RPGRIP1L: variants seen among roughly 807,000 people sequenced by gnomAD.
The protein encoded by RPGRIP1L is protein fantom.
In RPGRIP1L, 131 loss-of-function variants were observed where a neutral mutation model predicts 160.4. The ratio of observed to expected loss-of-function variants is 0.82; its 90% confidence interval spans 0.71 to 0.94. The LOEUF (loss-of-function observed/expected upper bound fraction) is 0.94. Ranked by LOEUF, RPGRIP1L falls within the 40% of genes least tolerant of loss-of-function variation. RPGRIP1L has a pLI of 0.00. For missense variants in RPGRIP1L, 1,522 were observed against 1,535.8 expected (o/e 0.99, Z 0.15); for synonymous variants, 510 against 515.8 (o/e 0.99, Z 0.15).
chr16:53,612,837 C>T (rs893372384), intron 24 of RPGRIP1L, among the ~76,000 whole-genome samples: 1 of 152,114 alleles, frequency 6.6e-6, no homozygotes, highest in Non-Finnish European at 1.5e-5. Flanking sequence ...ACAATGATCA[C>T]CACTATCCAT....
chr16:53,666,060 A>G (rs1383087941), intron 9 of RPGRIP1L, among the ~76,000 whole-genome samples: 1 of 152,200 alleles, frequency 6.6e-6, no homozygotes, highest in Non-Finnish European at 1.5e-5. Context: ...ACAAAAACTT[A>G]TAAAATCTTG....
chr16:53,617,073 C>CAA lies in RPGRIP1L; in HGVS notation c.3616+1950_3616+1951dup, dbSNP rs397945611. ...GGCAATAGCACCAGACCTTGCATCA[C>CAA]AAAAAAAAAAAAAAAAAAAAAAAAA... On this transcript the variant is annotated intron_variant, in intron 24 of 26. Transcript: ENST00000647211. 1.1e-3 allele frequency among the ~76,000 whole-genome samples: 25 copies of CAA among 21,844 alleles called. 2 individuals are homozygous for CAA. The highest frequency in any genetic ancestry group is 3.3e-3 in the African/African-American group (9 of 2,752). The allele number at this position is 21,844 out of a possible 152,430, so 14.3% of individuals were successfully genotyped here. A position where few individuals can be genotyped will look rare whatever the true frequency, so the allele number is the denominator to read the frequency against.
chr16:53,660,204 T>C (rs948123808), intron 10 of RPGRIP1L, among the ~76,000 whole-genome samples: 1 of 152,196 alleles, frequency 6.6e-6, no homozygotes, highest in Non-Finnish European at 1.5e-5. Flanking sequence ...CACTCAGGTA[T>C]CCTCCTTTGT....
At chr16:53,691,868 C>T (rs1242418314) in intron 4 of RPGRIP1L, among the ~76,000 whole-genome samples, 198 bp downstream of exon 4, 5 of 152,162 alleles carry the variant, frequency 3.3e-5, no homozygotes, top group African/African-American at 1.2e-4. Context: ...AATGTTTTTA[C>T]TAAACAAATT....
intron 4 of RPGRIP1L, among the ~76,000 whole-genome samples, chr16:53,690,598 T>A (rs1182973631): frequency 6.6e-6 from 1 of 152,234 alleles, no homozygotes; most frequent in Non-Finnish European, 1.5e-5. Context: ...TCGAGGACTT[T>A]AGGTGTACAC....
At chr16:53,610,048 T>C (rs1963926767) in intron 25 of RPGRIP1L, among the ~76,000 whole-genome samples, 1 of 151,596 alleles carries the variant, frequency 6.6e-6, no homozygotes, top group Non-Finnish European at 1.5e-5. Flanking sequence ...GTGTCATCAG[T>C]AGGTCATAAG....
chr16:53,645,466 T>G (rs184464276), intron 17 of RPGRIP1L, among the ~76,000 whole-genome samples, 159 bp downstream of exon 17: 263 of 152,150 alleles, frequency 1.7e-3, no homozygotes, highest in Non-Finnish European at 3.1e-3. Flanking sequence ...ATAGAGCGAC[T>G]AGTAAGAAAA....
At chr16:53,621,429 A>ATT (rs1964698064) in intron 23 of RPGRIP1L, among the ~76,000 whole-genome samples, 2 of 145,262 alleles carry the variant, frequency 1.4e-5, no homozygotes, top group Non-Finnish European at 3.0e-5. Flanking sequence ...ATTTCTGGTC[A>ATT]ATTTTTTTTT....
At chr16:53,648,606 A>G (rs1966719921) in intron 16 of RPGRIP1L, among the ~76,000 whole-genome samples, 2 of 125,112 alleles carry the variant, frequency 1.6e-5, no homozygotes, top group East Asian at 2.4e-4. Flanking sequence ...ACATATACGT[A>G]CGCGCGTGCG....
At chr16:53,630,685 T>C (rs1078620) in intron 22 of RPGRIP1L, among the ~76,000 whole-genome samples, 7,831 of 152,292 alleles carry the variant, frequency 0.051, 409 homozygotes, top group East Asian at 0.31. Flanking sequence ...AAGCAATTTC[T>C]ACTAGGAGAG....
At chr16:53,695,795 G>C (rs1478369146) in intron 3 of RPGRIP1L, 1 of 329,672 alleles carries the variant, frequency 3.0e-6, no homozygotes, top group Non-Finnish European at 5.6e-6. Flanking sequence ...AGAATAGTTA[G>C]TTACTTTTTA....
At chr16:53,698,296 C>T (rs1212154232) in intron 2 of RPGRIP1L, among the ~76,000 whole-genome samples, 1 of 149,998 alleles carries the variant, frequency 6.7e-6, no homozygotes, top group Admixed American at 6.6e-5. Flanking sequence ...GCCAGGCCAG[C>T]CGCCCCGTCC....
intron 22 of RPGRIP1L, among the ~76,000 whole-genome samples, chr16:53,635,943 G>A (rs1965808882): frequency 6.6e-6 from 1 of 152,102 alleles, no homozygotes; most frequent in Non-Finnish European, 1.5e-5. Context: ...GAAAAGCAAA[G>A]TATACCGGCA....
chr16:53,662,736 A>G (rs1427547701), intron 10 of RPGRIP1L, among the ~76,000 whole-genome samples: 1 of 152,090 alleles, frequency 6.6e-6, no homozygotes, highest in Non-Finnish European at 1.5e-5. Flanking sequence ...TTAAATCCTT[A>G]GACTTGCAAA....
chr16:53,651,683 T>A (rs2151118285), intron 15 of RPGRIP1L, among the ~76,000 whole-genome samples: 1 of 152,230 alleles, frequency 6.6e-6, no homozygotes, highest in South Asian at 2.1e-4. Context: ...TTACCTGAAT[T>A]TGCAACCTGC....
Position 53,638,351 on chromosome 16 carries a change from C to A in RPGRIP1L, c.3019G>T (p.Glu1007Ter). The change falls in exon 20 of 27, where the codon GAA becomes TAA. Residue 1007 changes from glutamate (E) to a stop codon, truncating the protein, a stop_gained. Transcript: ENST00000647211. LOFTEE classifies it high-confidence loss of function. Reference protein sequence around the residue: ...EISPEVEHIPEIEINMLTVPH... With the variant: ...EISPEVEHIP ...ACAGTCAGCATATTAATTTCTATTT[C>A]TGGTATATGCTCTACCTCTGGTGAA... 6.3e-7 allele frequency: 1 copy of A among 1,597,726 alleles called. No individual in the cohort carries two copies. Among genetic ancestry groups the A allele is most frequent in the Non-Finnish European group, 8.6e-7 (1 of 1,165,648 alleles).
chr16:53,652,459 AGTAAT>A lies in RPGRIP1L; in HGVS notation c.2152+71_2152+75del, dbSNP rs1377674974. On this transcript the variant is annotated intron_variant, in intron 15 of 26. Transcript: ENST00000647211. ...GCACCTTTAATATACAAGAAAAGAT[AGTAAT>A]GTAGAGTACCATAACGATATATAAA... 106 of 1,110,134 alleles carry A rather than the reference AGTAAT, an allele frequency of 9.5e-5. No homozygotes were observed. In the African/African-American group the frequency reaches 1.4e-3, roughly 15 times the overall value. The allele number at this position is 1,110,134 out of a possible 1,614,324, so 68.8% of individuals were successfully genotyped here.
Position 53,641,555 on chromosome 16 carries a change from C to T in RPGRIP1L, c.2684-80G>A, listed in dbSNP as rs1036677447. On this transcript the variant is annotated intron_variant, in intron 17 of 26. Transcript: ENST00000647211. ...GAATTAAAGAACAAAGAACTACTCC[C>T]TACTTTAAGAGACTCATGCTCTACC... The T allele has an allele frequency of 4.8e-6, 6 of 1,250,568 alleles. No individual in the cohort carries two copies. The African/African-American group carries it at 7.5e-5, about 16-fold the overall frequency. 77.5% of individuals were successfully genotyped at this position (1,250,568 alleles called of 1,614,324 possible). A position where few individuals can be genotyped will look rare whatever the true frequency, so the allele number is the denominator to read the frequency against.
chr16:53,691,615 TACATGC>T (rs1189447296), intron 4 of RPGRIP1L, among the ~76,000 whole-genome samples: 1 of 152,230 alleles, frequency 6.6e-6, no homozygotes, highest in Non-Finnish European at 1.5e-5. Context: ...AACCCCTGGT[TACATGC>T]ACATGCCATG....
Sources: allele counts gnomAD v4.1 joint callset (sites outside exome capture counted in the v4.1 genomes callset), GRCh38; gene constraint gnomAD v4.1.1; transcripts MANE v1.5; gene names NCBI Gene and HGNC (gene_info 2026-07-23, HGNC 2026-07-21).